The following MYLK variants were observed in gnomAD, a reference collection of about 807,000 sequenced individuals.
The protein encoded by MYLK is myosin light chain kinase, smooth muscle.
In MYLK, 106 loss-of-function variants were observed where a neutral mutation model predicts 203.4. The observed-to-expected ratio is 0.52, with a 90% CI of 0.45 to 0.61. The LOEUF (loss-of-function observed/expected upper bound fraction) is 0.61, where lower values mean the gene tolerates loss of function less well. Ranked by LOEUF, MYLK falls within the 20% of genes least tolerant of loss-of-function variation. The probability of loss-of-function intolerance (pLI) is 0.00; values close to 1 mark genes in which losing one functional copy is unlikely to be tolerated. For synonymous variants in MYLK, 867 were observed against 959.5 expected (o/e 0.90, Z 1.78); for missense variants, 2,072 against 2,442.3 (o/e 0.85, Z 3.20).
intron 4 of MYLK, among the ~76,000 whole-genome samples, chr3:123,778,558 T>A (rs1456151689): frequency 6.7e-6 from 1 of 149,068 alleles, no homozygotes; most frequent in Non-Finnish European, 1.5e-5. Flanking sequence ...GTCAGCAATA[T>A]GCTCGAGCAG....
intron 13 of MYLK, among the ~76,000 whole-genome samples, chr3:123,720,616 C>A (rs1247579071): frequency 6.6e-6 from 1 of 152,200 alleles, no homozygotes; most frequent in African/African-American, 2.4e-5. Context: ...GAGCTCCCCA[C>A]CTGGCTCCCA....
chr3:123,832,925 A>G (rs2700354), intron 2 of MYLK, among the ~76,000 whole-genome samples: 24,067 of 152,156 alleles, frequency 0.16, 2,130 homozygotes, highest in South Asian at 0.21. Flanking sequence ...ACGTCCTTAC[A>G]CAATCCCTTA....
intron 2 of MYLK, among the ~76,000 whole-genome samples, chr3:123,853,650 G>A (rs2031071282): frequency 6.6e-6 from 1 of 152,076 alleles, no homozygotes; most frequent in Non-Finnish European, 1.5e-5. Flanking sequence ...ATCAAGAGCT[G>A]CCGTACCCAA....
chr3:123,768,418 A>G (rs533551948), intron 4 of MYLK, among the ~76,000 whole-genome samples: 2 of 152,294 alleles, frequency 1.3e-5, no homozygotes, highest in East Asian at 1.9e-4. Context: ...CTGCTCAGCT[A>G]TGTCACCTGA....
intron 1 of MYLK, among the ~76,000 whole-genome samples, chr3:123,878,503 C>T (rs1309706645): frequency 6.6e-6 from 1 of 152,184 alleles, no homozygotes; most frequent in Non-Finnish European, 1.5e-5. Context: ...TTCACTCCTG[C>T]TCCCCATTGG....
chr3:123,855,384 C>T (rs566223363), intron 2 of MYLK, among the ~76,000 whole-genome samples: 2 of 152,206 alleles, frequency 1.3e-5, no homozygotes, highest in South Asian at 2.1e-4. Flanking sequence ...CAGTGTATCC[C>T]ATCTATTGCA....
intron 1 of MYLK, among the ~76,000 whole-genome samples, chr3:123,878,427 A>G (rs191438239): frequency 6.6e-6 from 1 of 152,174 alleles, no homozygotes; most frequent in Non-Finnish European, 1.5e-5. Flanking sequence ...GGGGAACAGC[A>G]CTCGGTATCC....
chr3:123,793,484 A>G (rs1348255808), intron 4 of MYLK, among the ~76,000 whole-genome samples, 193 bp downstream of exon 4: 2 of 152,206 alleles, frequency 1.3e-5, no homozygotes, highest in Admixed American at 6.5e-5. Context: ...CCCACCCCCA[A>G]GTTCTCCAGC....
At chr3:123,806,719 A>G (rs1206949469) in intron 3 of MYLK, among the ~76,000 whole-genome samples, 1 of 152,040 alleles carries the variant, frequency 6.6e-6, no homozygotes, top group African/African-American at 2.4e-5. Flanking sequence ...CTGAAGTACA[A>G]TGGCGTGATC....
chr3:123,672,710 T>G (rs939500324), intron 20 of MYLK, among the ~76,000 whole-genome samples: 1 of 152,250 alleles, frequency 6.6e-6, no homozygotes, highest in African/African-American at 2.4e-5. Context: ...TTCTGTAAAT[T>G]TGGAGCTACC....
At chr3:123,826,051 C>T (rs1402339321) in intron 3 of MYLK, among the ~76,000 whole-genome samples, 1 of 152,190 alleles carries the variant, frequency 6.6e-6, no homozygotes, top group Non-Finnish European at 1.5e-5. Context: ...CCTAGTGGCC[C>T]TGTACCACCC....
At chr3:123,721,514 C>A (rs564126789) in intron 13 of MYLK, among the ~76,000 whole-genome samples, 1 of 152,254 alleles carries the variant, frequency 6.6e-6, no homozygotes, top group Non-Finnish European at 1.5e-5. Flanking sequence ...GAATGGATGA[C>A]CATGATAATC....
At chr3:123,799,801 G>A (rs1015921274) in intron 3 of MYLK, 1 of 152,344 alleles carries the variant, frequency 6.6e-6, no homozygotes, top group Non-Finnish European at 1.5e-5. Flanking sequence ...AGCAAAGCTG[G>A]GCAGGACCAC....
At chr3:123,789,335 C>T (rs147991061) in intron 4 of MYLK, among the ~76,000 whole-genome samples, 1 of 152,146 alleles carries the variant, frequency 6.6e-6, no homozygotes, top group East Asian at 1.9e-4. Context: ...TTTGACCCCG[C>T]CCCCCCAGGC....
chr3:123,717,575 T>C (rs1330046285), intron 13 of MYLK, among the ~76,000 whole-genome samples: 1 of 145,862 alleles, frequency 6.9e-6, no homozygotes, highest in African/African-American at 2.6e-5. Flanking sequence ...ACTTAAGAAT[T>C]TTAGCCTTGA....
At chr3:123,701,598 G>T in intron 16 of MYLK, 89 bp from the exon 17 acceptor site, 1 of 1,395,506 alleles carries the variant, frequency 7.2e-7, no homozygotes, top group Non-Finnish European at 1.0e-6. Context: ...CTGCTGGCCA[G>T]CGGGGAAGAT....
At chr3:123,789,150 T>C (rs1344294068) in intron 4 of MYLK, among the ~76,000 whole-genome samples, 4 of 152,064 alleles carry the variant, frequency 2.6e-5, no homozygotes, top group Non-Finnish European at 4.4e-5. Flanking sequence ...TGTCTGTACA[T>C]GGAAGCCCCC....
chr3:123,752,454 C>G lies in MYLK; in HGVS notation c.250G>C (p.Gly84Arg), dbSNP rs568619953. The G allele has an allele frequency of 1.2e-6, 2 of 1,614,154 alleles. No homozygotes were observed. Among genetic ancestry groups the G allele is most frequent in the East Asian group, 4.5e-5 (2 of 44,864 alleles). ...ACAAGGCTGAAAGTCCCCCGGATGC[C>G]GCAATCCAGCAGGAAGCGGCCCCCG... ...TSGGRFLLDC[G>R]IRGTFSLVIH... The change falls in exon 5 of 34, where the codon GGC (glycine) becomes CGC (arginine). Residue 84 changes from glycine to arginine, a missense_variant. Coordinates refer to ENST00000360304, the MANE Select transcript of MYLK (RefSeq NM_053025.4).
At chr3:123,721,865 G>A (rs1268727872) in intron 13 of MYLK, among the ~76,000 whole-genome samples, 1 of 149,540 alleles carries the variant, frequency 6.7e-6, no homozygotes, top group Non-Finnish European at 1.5e-5. Flanking sequence ...CCTTGTCGCT[G>A]TGAACTCCTG....
Sources: allele counts gnomAD v4.1 joint callset (sites outside exome capture counted in the v4.1 genomes callset), GRCh38; gene constraint gnomAD v4.1.1; transcripts MANE v1.5; gene names NCBI Gene and HGNC (gene_info 2026-07-23, HGNC 2026-07-21).